IMMP2L: variants seen among roughly 807,000 people sequenced by gnomAD.
The protein encoded by IMMP2L is mitochondrial inner membrane protease subunit 2.
IMMP2L carries 18 observed loss-of-function variants against 19.3 expected under a neutral mutation model. The observed-to-expected ratio is 0.93, with a 90% CI of 0.64 to 1.38. The LOEUF is 1.38. IMMP2L is among the 40% of genes most tolerant of loss of function. The pLI, the probability that IMMP2L is intolerant of heterozygous loss-of-function variation, is 0.00. For missense variants in IMMP2L, 233 were observed against 218.2 expected (o/e 1.07, Z -0.43); for synonymous variants, 76 against 73.0 (o/e 1.04, Z -0.21).
intron 3 of IMMP2L, among the ~76,000 whole-genome samples, chr7:111,343,084 T>C (rs915391566): frequency 3.3e-5 from 5 of 152,142 alleles, no homozygotes; most frequent in African/African-American, 1.2e-4. Context: ...CTACCTATTA[T>C]GCATACTAGA....
At chr7:111,268,748 C>CA (rs1293457622) in intron 3 of IMMP2L, among the ~76,000 whole-genome samples, 1 of 151,380 alleles carries the variant, frequency 6.6e-6, no homozygotes, top group Admixed American at 6.6e-5. Flanking sequence ...CGAGCACCAC[C>CA]ATGCCTGGCT....
At chr7:111,233,524 G>A (rs764946921) in intron 3 of IMMP2L, among the ~76,000 whole-genome samples, 18 of 151,870 alleles carry the variant, frequency 1.2e-4, no homozygotes, top group Admixed American at 6.6e-4. Context: ...AAAGATAATC[G>A]TAACACAGAA....
chr7:111,148,070 A>ATT (rs1437369701), intron 3 of IMMP2L, among the ~76,000 whole-genome samples: 2 of 152,108 alleles, frequency 1.3e-5, no homozygotes, highest in East Asian at 3.9e-4. Context: ...GTTCATAGTA[A>ATT]CATTATTCAT....
In IMMP2L at chr7:111,373,828, C is replaced by T. The variant is rs938189866; in HGVS notation, c.239+113410G>A. On this transcript the variant is annotated intron_variant, in intron 3 of 5. Transcript: ENST00000405709. ...TGTCCCCAAGCATGAATGAAGAACA[C>T]GAGAAAATACATCAGGGATTTAAAT... is the stretch of plus-strand genomic sequence containing the variant. Among the ~76,000 whole-genome samples the T allele has an allele frequency of 1.4e-4, 21 of 151,906 alleles. 1 individual carries two copies. In the South Asian group the frequency reaches 2.1e-3, roughly 15 times the overall value.
At chr7:111,473,989 A>G (rs184487432) in intron 3 of IMMP2L, among the ~76,000 whole-genome samples, 12 of 152,302 alleles carry the variant, frequency 7.9e-5, no homozygotes, top group Non-Finnish European at 1.5e-4. Context: ...CTACACAGCC[A>G]TAAGAAAGGA....
intron 3 of IMMP2L, among the ~76,000 whole-genome samples, chr7:111,468,181 T>A (rs1284422924): frequency 6.6e-6 from 1 of 152,202 alleles, no homozygotes; most frequent in Non-Finnish European, 1.5e-5. Flanking sequence ...TCAGCTGAGC[T>A]GTACAGCTTA....
At chr7:111,293,890 A>G (rs535802078) in intron 3 of IMMP2L, among the ~76,000 whole-genome samples, 62 of 152,082 alleles carry the variant, frequency 4.1e-4, no homozygotes, top group African/African-American at 1.4e-3. Flanking sequence ...ATAAATCAAG[A>G]TATAGATTTC....
At chr7:110,965,945 C>T (rs910789324) in intron 3 of IMMP2L, among the ~76,000 whole-genome samples, 24 of 151,898 alleles carry the variant, frequency 1.6e-4, no homozygotes, top group Middle Eastern at 3.4e-3. Context: ...AGAAATGTAT[C>T]CTAATGAGAT....
chr7:111,031,090 G>A (rs1790761828), intron 3 of IMMP2L, among the ~76,000 whole-genome samples: 1 of 151,572 alleles, frequency 6.6e-6, no homozygotes, highest in African/African-American at 2.4e-5. Context: ...CACATGTTTA[G>A]CTTAATATAG....
At position 110,663,495 on chromosome 7, in the gene IMMP2L, G is replaced by T; in HGVS notation, c.*107C>A. The T allele has an allele frequency of 2.3e-6, 2 of 882,936 alleles. No individual in the cohort carries two copies. The highest frequency in any genetic ancestry group is 4.9e-5 in the East Asian group (2 of 40,708). The allele number at this position is 882,936 out of a possible 1,614,324, so 54.7% of individuals were successfully genotyped here. ...TTTTAATGTGCTGTAAATATTTCTC[G>T]CACAGCATCATATTGTCAGAAGTTT... On this transcript the variant is annotated 3_prime_UTR_variant, in exon 6 of 6. Transcript: ENST00000405709.
At chr7:111,271,293 A>T (rs1450603231) in intron 3 of IMMP2L, among the ~76,000 whole-genome samples, 1 of 152,132 alleles carries the variant, frequency 6.6e-6, no homozygotes, top group East Asian at 1.9e-4. Context: ...CTCTTCCTTT[A>T]TAATTTACCC....
At chr7:111,542,332 G>A (rs963524406) in intron 1 of IMMP2L, among the ~76,000 whole-genome samples, 5 of 152,016 alleles carry the variant, frequency 3.3e-5, no homozygotes, top group African/African-American at 1.2e-4. Flanking sequence ...ACTTTGTGTT[G>A]ATTAAAATTT....
intron 3 of IMMP2L, among the ~76,000 whole-genome samples, chr7:111,144,348 T>C (rs989293772): frequency 1.3e-5 from 2 of 152,156 alleles, no homozygotes; most frequent in Non-Finnish European, 2.9e-5. Context: ...AACATAGCAG[T>C]GAGCAAGATA....
At chr7:111,304,381 G>C (rs1188807142) in intron 3 of IMMP2L, among the ~76,000 whole-genome samples, 3 of 151,892 alleles carry the variant, frequency 2.0e-5, no homozygotes, top group African/African-American at 7.3e-5. Context: ...GGTGGAGAAA[G>C]GGGACAATAG....
At chr7:110,781,839 T>A (rs1799766452) in intron 5 of IMMP2L, among the ~76,000 whole-genome samples, 1 of 151,852 alleles carries the variant, frequency 6.6e-6, no homozygotes, top group Non-Finnish European at 1.5e-5. Flanking sequence ...ACATATAAAG[T>A]TTCATTATAA....
chr7:111,236,042 T>G (rs1814273062), intron 3 of IMMP2L, among the ~76,000 whole-genome samples: 1 of 152,128 alleles, frequency 6.6e-6, no homozygotes, highest in African/African-American at 2.4e-5. Context: ...TTTTCACATC[T>G]TCCATTTCTG....
At chr7:110,675,635 C>T (rs1792244900) in intron 5 of IMMP2L, among the ~76,000 whole-genome samples, 1 of 152,064 alleles carries the variant, frequency 6.6e-6, no homozygotes, top group Non-Finnish European at 1.5e-5. Flanking sequence ...TCAGCAATGA[C>T]CAATACAAAG....
chr7:110,873,983 G>T (rs968547442), intron 5 of IMMP2L, among the ~76,000 whole-genome samples: 1 of 152,086 alleles, frequency 6.6e-6, no homozygotes, highest in African/African-American at 2.4e-5. Context: ...CAGAATGTAT[G>T]ATGAGTTTTG....
chr7:111,090,474 A>C (rs1247904315), intron 3 of IMMP2L, among the ~76,000 whole-genome samples: 4 of 152,156 alleles, frequency 2.6e-5, no homozygotes, highest in Admixed American at 1.3e-4. Context: ...TCATATAAAG[A>C]GAAGTCAGTG....
Sources: allele counts gnomAD v4.1 joint callset (sites outside exome capture counted in the v4.1 genomes callset), GRCh38; gene constraint gnomAD v4.1.1; transcripts MANE v1.5; gene names NCBI Gene and HGNC (gene_info 2026-07-23, HGNC 2026-07-21).